PORCN: variants seen among roughly 807,000 people sequenced by gnomAD.
PORCN encodes the protein porcupine O-acyltransferase.
Under a neutral mutation model 43.0 loss-of-function variants are expected in PORCN, and 1 was observed. The observed-to-expected ratio is 0.02, with a 90% CI of 0.01 to 0.11. The LOEUF (loss-of-function observed/expected upper bound fraction) is 0.11, where lower values mean the gene tolerates loss of function less well. Ranked by LOEUF, PORCN falls within the 10% of genes least tolerant of loss-of-function variation. The pLI is 1.00. For missense variants in PORCN, 240 were observed against 392.1 expected (o/e 0.61, Z 3.28); for synonymous variants, 148 against 166.4 (o/e 0.89, Z 0.85).
Position 48,515,913 on chromosome X carries a change from G to A in PORCN, c.1047G>A (p.Ala349=), listed in dbSNP as rs782809650. Residue 349 remains alanine (A), a synonymous_variant, in exon 12 of 15, where the codon GCG becomes GCA. Coordinates refer to ENST00000326194, the MANE Select transcript of PORCN (RefSeq NM_203475.3). The stretch of plus-strand genomic sequence containing the variant: ...AGGGCTTCAGTTTCCACCTGGCTGC[G>A]GTCCTGCTGTCCCTGGCTTTTATCA... ...LLHGFSFHLA[A]VLLSLAFITY... The A allele has an allele frequency of 9.9e-6, 12 of 1,211,422 alleles. No individual in the cohort carries two copies. The highest frequency in any genetic ancestry group is 1.2e-5 in the Non-Finnish European group (11 of 895,354).
At chrX:48,516,229 G>A (rs372206320) in intron 13 of PORCN, 83 bp downstream of exon 13, 1 of 926,430 alleles carries the variant, frequency 1.1e-6, no homozygotes, top group East Asian at 3.2e-5. Flanking sequence ...ATGTGTCTCA[G>A]GGTGCCCACC....
At position 48,511,872 on chromosome X, in the gene PORCN, A is replaced by G. The variant is rs1556973964; in HGVS notation, c.330-20A>G. 1 of 1,207,431 alleles carries G rather than the reference A, an allele frequency of 8.3e-7. No individual in the cohort carries two copies. The highest frequency in any genetic ancestry group is 1.1e-6 in the Non-Finnish European group (1 of 892,147). On this transcript the variant is annotated intron_variant, in intron 3 of 14. Coordinates refer to ENST00000326194, the MANE Select transcript of PORCN (RefSeq NM_203475.3). Reference sequence around the variant, plus strand: ...AGGCCATGAGTGTCATGGGACCAAGACCAGCACCTTTTTCCTCAGTGAGAT... The same window carrying G: ...AGGCCATGAGTGTCATGGGACCAAGGCCAGCACCTTTTTCCTCAGTGAGAT...
chrX:48,516,324 C>T, intron 13 of PORCN, 178 bp downstream of exon 13: 1 of 493,126 alleles, frequency 2.0e-6, no homozygotes, highest in Middle Eastern at 5.4e-4. Flanking sequence ...TATCGAGCAT[C>T]TGCTGTATAC....
rs782412813 is a variant in PORCN at position 48,512,829 on chromosome X, C to T, written c.687-6C>T. On this transcript the variant is annotated splice_polypyrimidine_tract_variant and splice_region_variant and intron_variant, in intron 6 of 14. Coordinates refer to ENST00000326194, the MANE Select transcript of PORCN (RefSeq NM_203475.3). ...TAATGCTTCTTTCTGTCTTCTGTTA[C>T]TACAGCAAGAAACGCAAAGCCAGGT... 1.2e-5 allele frequency: 14 copies of T among 1,212,365 alleles called. No individual in the cohort carries two copies. The South Asian group carries it at 1.9e-4, about 17-fold the overall frequency.
chrX:48,514,397 G>A, intron 9 of PORCN, 32 bp downstream of exon 9: 1 of 1,203,298 alleles, frequency 8.3e-7, no homozygotes, highest in Non-Finnish European at 1.1e-6. Context: ...CTCTCCCACA[G>A]GGTGCTGCCT....
chrX:48,515,400 T>C (rs2061708374), intron 10 of PORCN: 1 of 356,937 alleles, frequency 2.8e-6, no homozygotes, highest in South Asian at 3.5e-5. Context: ...GATTCTGGCA[T>C]ATTCTGAAGG....
chrX:48,509,446 G>A, intron 1 of PORCN: 1 of 878,500 alleles, frequency 1.1e-6, no homozygotes, highest in Non-Finnish European at 1.5e-6. Flanking sequence ...TTGGAAACCA[G>A]GGATTCCCCT....
At chrX:48,515,197 G>T (rs1200464785) in intron 10 of PORCN, among the ~76,000 whole-genome samples, 3 of 112,278 alleles carry the variant, frequency 2.7e-5, no homozygotes, top group Non-Finnish European at 5.6e-5. Context: ...CTTTTTCTCT[G>T]AGAGAGATGA....
chrX:48,511,856 G>A, intron 3 of PORCN, 36 bp from the exon 4 acceptor site: 2 of 1,189,557 alleles, frequency 1.7e-6, no homozygotes, highest in Non-Finnish European at 2.3e-6. Flanking sequence ...GAGGCCATGA[G>A]TGTCATGGGA....
At chrX:48,516,391 G>A (rs1556975376) in intron 13 of PORCN, among the ~76,000 whole-genome samples, 1 of 111,707 alleles carries the variant, frequency 9.0e-6, no homozygotes, top group Non-Finnish European at 1.9e-5. Context: ...TGGTGCTCTA[G>A]GTGCTGGAGA....
Position 48,520,773 on chromosome X carries a change from A to G in PORCN, c.*297A>G, listed in dbSNP as rs782754488. 5.6e-6 allele frequency: 2 copies of G among 355,054 alleles called. No individual in the cohort carries two copies. The highest frequency in any genetic ancestry group is 1.0e-5 in the Non-Finnish European group (2 of 199,220). 29.3% of individuals were successfully genotyped at this position (355,054 alleles called of 1,213,427 possible). On this transcript the variant is annotated 3_prime_UTR_variant, in exon 15 of 15. Coordinates refer to ENST00000326194, the MANE Select transcript of PORCN (RefSeq NM_203475.3). ...CCTTCCTTCTTCCTTTTTATATACA[A>G]TTTGTTATTGTCAAATAAAAGTAGG...
chrX:48,519,751 T>C (rs2061745422), intron 14 of PORCN, among the ~76,000 whole-genome samples: 1 of 112,369 alleles, frequency 8.9e-6, no homozygotes, highest in Non-Finnish European at 1.9e-5. Context: ...ATCCCAGCAC[T>C]TTGGGACGCC....
At chrX:48,509,454 C>G in intron 1 of PORCN, 1 of 905,882 alleles carries the variant, frequency 1.1e-6, no homozygotes, top group Non-Finnish European at 1.4e-6. Context: ...CAGGGATTCC[C>G]CTTCCCGTCG....
At chrX:48,518,243 G>A (rs1318602015) in intron 14 of PORCN, among the ~76,000 whole-genome samples, 2 of 108,702 alleles carry the variant, frequency 1.8e-5, no homozygotes, top group Non-Finnish European at 3.8e-5. Context: ...ATTTTTAGAC[G>A]GAGTCTTGCT....
chrX:48,514,389 C>T (rs1556974736), intron 9 of PORCN, 24 bp downstream of exon 9: 1 of 1,204,028 alleles, frequency 8.3e-7, no homozygotes, highest in Non-Finnish European at 1.1e-6. Context: ...GGGACCCCCT[C>T]TCCCACAGGG....
At chrX:48,516,510 T>C (rs1015002455) in intron 13 of PORCN, among the ~76,000 whole-genome samples, 3 of 111,540 alleles carry the variant, frequency 2.7e-5, no homozygotes, top group Admixed American at 9.6e-5. Flanking sequence ...GTGTGTCAGA[T>C]TGCAAGTAGT....
chrX:48,509,696 C>T, intron 1 of PORCN, 88 bp from the exon 2 acceptor site: 1 of 1,160,306 alleles, frequency 8.6e-7, no homozygotes, highest in African/African-American at 1.8e-5. Context: ...CTGGGCAGCC[C>T]CAAACTGAAA....
At chrX:48,509,346 G>A in intron 1 of PORCN, 2 of 231,656 alleles carry the variant, frequency 8.6e-6, no homozygotes, top group Admixed American at 5.9e-5. Context: ...CCCCCTCCCC[G>A]TGCCGCCGCA....
At chrX:48,509,465 C>G (rs1556973354) in intron 1 of PORCN, 12 of 934,203 alleles carry the variant, frequency 1.3e-5, no homozygotes, top group Non-Finnish European at 1.7e-5. Flanking sequence ...CTTCCCGTCG[C>G]CCGCCCCATT....
Sources: allele counts gnomAD v4.1 joint callset (sites outside exome capture counted in the v4.1 genomes callset), GRCh38; gene constraint gnomAD v4.1.1; transcripts MANE v1.5; gene names NCBI Gene and HGNC (gene_info 2026-07-23, HGNC 2026-07-21).